The following SBNO2 variants were observed in gnomAD, a reference collection of about 807,000 sequenced individuals.
SBNO2 encodes strawberry notch homolog 2, also known as protein strawberry notch homolog 2.
Under a neutral mutation model 146.3 loss-of-function variants are expected in SBNO2, and 89 were observed. The ratio of observed to expected loss-of-function variants is 0.61; its 90% CI spans 0.51 to 0.73. The LOEUF (loss-of-function observed/expected upper bound fraction) is 0.73. Among genes scored for constraint, SBNO2 ranks in the 30% least tolerant of loss-of-function variants. The pLI is 0.00. For synonymous variants in SBNO2, 1,147 were observed against 892.6 expected (o/e 1.29, Z -5.08); for missense variants, 2,092 against 2,003.7 (o/e 1.04, Z -0.84).
chr19:1,141,589 T>C (rs1235891389), intron 4 of SBNO2, among the ~76,000 whole-genome samples: 1 of 152,012 alleles, frequency 6.6e-6, no homozygotes, highest in South Asian at 2.1e-4. Context: ...GTGTCCTTCA[T>C]GGACAAACAC....
At chr19:1,164,524 CAGGAGGAGGAGGAGG>C (rs1208873405) in intron 1 of SBNO2, among the ~76,000 whole-genome samples, 3 of 21,944 alleles carry the variant, frequency 1.4e-4, no homozygotes, top group African/African-American at 2.0e-4. Context: ...GGAGGAGGAA[CAGGAGGAGGAGGAGG>C]AGGAGGAGGA....
intron 14 of SBNO2, among the ~76,000 whole-genome samples, chr19:1,118,018 G>A (rs2079853911): frequency 6.6e-6 from 1 of 152,232 alleles, no homozygotes; most frequent in South Asian, 2.1e-4. Context: ...GGTTACGGGA[G>A]ATGCTGGTTG....
At chr19:1,155,199 G>C (rs953118483) in intron 1 of SBNO2, 1 of 152,270 alleles carries the variant, frequency 6.6e-6, no homozygotes, top group East Asian at 1.9e-4. Flanking sequence ...GGCCACTCCC[G>C]GCCAAGCCCT....
At chr19:1,111,364 T>A in intron 24 of SBNO2, 142 bp downstream of exon 24, 3 of 734,660 alleles carry the variant, frequency 4.1e-6, no homozygotes, top group Admixed American at 2.7e-5. Context: ...TCCCTTTGCC[T>A]TCACAGCCCT....
intron 19 of SBNO2, among the ~76,000 whole-genome samples, 165 bp from the exon 20 acceptor site, chr19:1,113,114 C>T (rs2079786970): frequency 1.3e-5 from 2 of 152,174 alleles, no homozygotes; most frequent in Non-Finnish European, 2.9e-5. Flanking sequence ...TGGACCCAGG[C>T]GATGTGTGCC....
In SBNO2 at chr19:1,113,666, C is replaced by G; in HGVS notation, c.2116G>C (p.Gly706Arg). Residue 706 changes from glycine to arginine, a missense_variant, in exon 19 of 32, where the codon GGG (glycine) becomes CGG (arginine). By Grantham distance (125) the Gly-to-Arg change is moderately radical. Transcript: ENST00000361757. ...AGCCGCTCCACCCGCTCCAGGACCCCGGGGCCATGCGGGTCTCTCTGCAGG... is the reference window on the plus strand; with the variant it reads ...AGCCGCTCCACCCGCTCCAGGACCCGGGGGCCATGCGGGTCTCTCTGCAGG... ...CLLQRDPHGP[G>R]VLERVERLKQ... 6.3e-7 allele frequency: 1 copy of G among 1,592,868 alleles called. No homozygotes were observed. The highest frequency in any genetic ancestry group is 8.5e-7 in the Non-Finnish European group (1 of 1,170,886).
chr19:1,162,868 C>T (rs968234485), intron 1 of SBNO2, among the ~76,000 whole-genome samples: 7 of 152,244 alleles, frequency 4.6e-5, no homozygotes, highest in African/African-American at 1.7e-4. Context: ...AGCAGACCAT[C>T]GTCCACCCAC....
In SBNO2 at chr19:1,144,751, G is replaced by GGGAGACAGAGAGACAGAGGC. The variant is rs1318945408; in HGVS notation, c.279+2538_279+2557dup. 6.6e-6 allele frequency among the ~76,000 whole-genome samples: 1 copy of GGGAGACAGAGAGACAGAGGC among 151,238 alleles called. No individual in the cohort carries two copies. Among genetic ancestry groups the GGGAGACAGAGAGACAGAGGC allele is most frequent in the Non-Finnish European group, 1.5e-5 (1 of 67,784 alleles). On this transcript the variant is annotated intron_variant, in intron 4 of 31. Coordinates refer to ENST00000361757, the MANE Select transcript of SBNO2 (RefSeq NM_014963.3). This position sits in a 1 kb window ranked among gnomAD's most constrained non-coding sequence, Gnocchi z 4.1. ...AGGGAGACAAAGAGACAGGTGGAGAGGGAGACAGAGAGACAGAGGCAGAGA... is the reference window on the plus strand; with the variant it reads ...AGGGAGACAAAGAGACAGGTGGAGAGGGAGACAGAGAGACAGAGGCGGAGACAGAGAGACAGAGGCAGAGA...
rs1384356768 is a variant in SBNO2 at position 1,109,813 on chromosome 19, C to A, written c.3029-36G>T. ...GGGTGGAGGGTAAGTGGTGTCCAGG[C>A]CTGGGACTGTGGGCTGGGGCCAGGG... On this transcript the variant is annotated intron_variant, in intron 26 of 31. Coordinates refer to ENST00000361757, the MANE Select transcript of SBNO2 (RefSeq NM_014963.3). The surrounding 1 kb of genome is among the most constrained non-coding windows in gnomAD (Gnocchi z 4.2). The A allele has an allele frequency of 1.3e-6, 2 of 1,498,806 alleles. No homozygotes were observed. The highest frequency in any genetic ancestry group is 2.5e-5 in the South Asian group (2 of 80,296). The allele number at this position is 1,498,806 out of a possible 1,614,324, so 92.8% of individuals were successfully genotyped here. A position where few individuals can be genotyped will look rare whatever the true frequency, so the allele number is the denominator to read the frequency against.
intron 4 of SBNO2, among the ~76,000 whole-genome samples, chr19:1,135,745 G>A (rs1158718157): frequency 6.6e-6 from 1 of 152,198 alleles, no homozygotes; most frequent in Non-Finnish European, 1.5e-5. Context: ...ATTACAGGGA[G>A]GGAAACAGGC....
rs1439524384 is a variant in SBNO2, at chr19:1,173,874, TGTC to T, written c.-127+295_-127+297del. The T allele has an allele frequency of 1.9e-5, 2 of 107,296 alleles. No homozygotes were observed. Among genetic ancestry groups the T allele is most frequent in the African/African-American group, 7.3e-5 (2 of 27,402 alleles). The allele number at this position is 107,296 out of a possible 1,614,324, so 6.6% of individuals were successfully genotyped here. A position where few individuals can be genotyped will look rare whatever the true frequency, so the allele number is the denominator to read the frequency against. ...AGCGGGAAGGAAAGGTTGGGAGGGT[TGTC>T]GTGGAAGGTAGGGTTAAGGTTCACG... On this transcript the variant is annotated intron_variant, in intron 1 of 31. Transcript: ENST00000361757. The surrounding 1 kb of genome is among the most constrained non-coding windows in gnomAD (Gnocchi z 4.7).
chr19:1,169,003 A>C (rs2080452123), intron 1 of SBNO2: 1 of 152,258 alleles, frequency 6.6e-6, no homozygotes, highest in Admixed American at 6.5e-5. Context: ...CCTGGAACCA[A>C]GGCCAAGGCC....
intron 4 of SBNO2, chr19:1,128,211 T>G (rs1395380639): frequency 4.0e-6 from 2 of 498,014 alleles, no homozygotes; most frequent in Admixed American, 2.1e-5. Context: ...GGCGTCTGAC[T>G]TCTGCAGCAC....
At chr19:1,164,546 AGG>A (rs2080386209) in intron 1 of SBNO2, among the ~76,000 whole-genome samples, 1 of 121,358 alleles carries the variant, frequency 8.2e-6, no homozygotes, top group South Asian at 3.2e-4. Flanking sequence ...GAGGAGGAGG[AGG>A]AGGAACAGGT....
chr19:1,160,926 GC>G (rs1214210629), intron 1 of SBNO2, among the ~76,000 whole-genome samples: 2 of 151,388 alleles, frequency 1.3e-5, no homozygotes, highest in Non-Finnish European at 2.9e-5. Flanking sequence ...CCACAAGGGG[GC>G]ATTTGCTCTG....
At chr19:1,111,649 G>C (rs753229821) in intron 23 of SBNO2, 35 bp from the exon 24 acceptor site, 1 of 1,503,144 alleles carries the variant, frequency 6.7e-7, no homozygotes, top group Non-Finnish European at 9.1e-7. Context: ...AGGAGGCCCA[G>C]GGAGGAGGCT....
rs1568547994 is a variant in SBNO2, at chr19:1,109,217, G to GAA, written c.3349-7_3349-6insTT. 3.2e-6 allele frequency: 5 copies of GAA among 1,569,220 alleles called. No homozygotes were observed. The highest frequency in any genetic ancestry group is 4.3e-6 in the Non-Finnish European group (5 of 1,158,002). ...TTGGCCTCCTCCGCGGTGACCTAGG[G>GAA]ACACAGGGCCGCATGAGCCTGGGCG... is the stretch of plus-strand genomic sequence containing the variant. On this transcript the variant is annotated splice_region_variant and splice_polypyrimidine_tract_variant and intron_variant, in intron 29 of 31. Transcript: ENST00000361757. This position sits in a 1 kb window ranked among gnomAD's most constrained non-coding sequence, Gnocchi z 4.2.
chr19:1,133,382 G>T (rs576241358), intron 4 of SBNO2, among the ~76,000 whole-genome samples: 1 of 152,266 alleles, frequency 6.6e-6, no homozygotes, highest in East Asian at 1.9e-4. Flanking sequence ...TTCTGGGCTT[G>T]TAAGACTCCC....
intron 1 of SBNO2, among the ~76,000 whole-genome samples, chr19:1,166,604 C>A (rs1361803409): frequency 3.7e-5 from 4 of 108,518 alleles, no homozygotes; most frequent in African/African-American, 1.4e-4. Context: ...AGAGCGAGAC[C>A]GCAACTGCAC....
Sources: allele counts gnomAD v4.1 joint callset (sites outside exome capture counted in the v4.1 genomes callset), GRCh38; gene constraint gnomAD v4.1.1; non-coding constraint Gnocchi (gnomAD v3.1); transcripts MANE v1.5; gene names NCBI Gene and HGNC (gene_info 2026-07-23, HGNC 2026-07-21).